Variants in SAMD8 observed in about 807,000 individuals in gnomAD.
SAMD8 encodes sterile alpha motif domain containing 8.
In SAMD8, 20 loss-of-function variants were observed where a neutral mutation model predicts 42.0. That is an observed-to-expected ratio of 0.48 (90% CI 0.34 to 0.69). The LOEUF (loss-of-function observed/expected upper bound fraction) is 0.69, where lower values mean the gene tolerates loss of function less well. Among genes scored for constraint, SAMD8 ranks in the 30% least tolerant of loss-of-function variants. The pLI, the probability that SAMD8 is intolerant of heterozygous loss-of-function variation, is 0.01. For synonymous variants in SAMD8, 162 were observed against 173.0 expected, an observed-to-expected ratio of 0.94 and a Z score of 0.50; for missense variants, 328 against 511.6, an observed-to-expected ratio of 0.64 and a Z score of 3.46.
At chr10:75,132,726 C>T (rs1459906257) in intron 1 of SAMD8, among the ~76,000 whole-genome samples, 2 of 151,830 alleles carry the variant, frequency 1.3e-5, no homozygotes, top group East Asian at 1.9e-4. Flanking sequence ...TGGTGGCTCA[C>T]GGCTGTAATC....
At chr10:75,108,360 C>G, upstream of SAMD8, 1 of 1,368,008 alleles carries the variant, frequency 7.3e-7, no homozygotes, top group Non-Finnish European at 9.6e-7. Context: ...GACTCCACAG[C>G]CCTATACCCA....
In SAMD8 at chr10:75,148,346, C is replaced by CTTTTTTTTTTTTTTTTTT. The variant is rs60024591; in HGVS notation, c.-15-2160_-15-2143dup. 8.0e-4 allele frequency among the ~76,000 whole-genome samples: 66 copies of CTTTTTTTTTTTTTTTTTT among 82,556 alleles called. 5 individuals are homozygous for CTTTTTTTTTTTTTTTTTT. Among genetic ancestry groups the CTTTTTTTTTTTTTTTTTT allele is most frequent in the African/African-American group, 2.6e-3 (40 of 15,310 alleles). The allele number at this position is 82,556 out of a possible 152,430, so 54.2% of individuals were successfully genotyped here. On this transcript the variant is annotated intron_variant, in intron 1 of 5. Coordinates refer to ENST00000542569, the MANE Select transcript of SAMD8 (RefSeq NM_001174156.2). ...GGGAAAGAATGCAGAGCAATACCAG[C>CTTTTTTTTTTTTTTTTTT]TTTTTTTTTTTTTTTTTTTTTTTTT...
Position 75,176,173 on chromosome 10 carries a change from C to T in SAMD8, c.900C>T (p.Gly300=), listed in dbSNP as rs143864495. 161 of 1,614,174 alleles carry T rather than the reference C, an allele frequency of 1.0e-4. No homozygotes were observed. In the African/African-American group the frequency reaches 1.8e-3, roughly 18 times the overall value. ...VHTCGDYMFS[G]HTVVLTMLNF... ...CATGTGGAGATTACATGTTTAGTGG[C>T]CACACAGTCGTCCTAACTATGCTGA... The change falls in exon 5 of 6, where the codon GGC becomes GGT. Residue 300 remains glycine (G), a synonymous_variant. Transcript: ENST00000542569. The surrounding 1 kb of genome is among the most constrained non-coding windows in gnomAD (Gnocchi z 4.3).
intron 1 of SAMD8, among the ~76,000 whole-genome samples, chr10:75,142,165 C>G (rs1403085434): frequency 2.0e-5 from 3 of 151,860 alleles, no homozygotes; most frequent in Non-Finnish European, 4.4e-5. Context: ...CCAGGCTGGT[C>G]TTAAACTCCT....
intron 1 of SAMD8, among the ~76,000 whole-genome samples, chr10:75,103,136 A>AT (rs1426271168): frequency 2.0e-5 from 3 of 152,190 alleles, no homozygotes; most frequent in Non-Finnish European, 4.4e-5. Flanking sequence ...CTTCAAGGGT[A>AT]TTATAGAAGA....
intron 1 of SAMD8, among the ~76,000 whole-genome samples, chr10:75,144,588 T>G (rs1419990415): frequency 6.6e-6 from 1 of 152,218 alleles, no homozygotes; most frequent in African/African-American, 2.4e-5. Flanking sequence ...CCTTCCTTTT[T>G]AAGGCTGAAT....
chr10:75,172,284 G>A (rs1364213219), intron 4 of SAMD8, among the ~76,000 whole-genome samples: 1 of 152,040 alleles, frequency 6.6e-6, no homozygotes, highest in Admixed American at 6.6e-5. Context: ...GGTATGAAGC[G>A]TTTCACCCAA....
At chr10:75,111,391 C>T (rs1327063667), upstream of SAMD8, 1 of 699,834 alleles carries the variant, frequency 1.4e-6, no homozygotes, top group Middle Eastern at 4.8e-4. Context: ...CATCTCGGTT[C>T]TCCTCTCGGG....
intron 2 of SAMD8, among the ~76,000 whole-genome samples, chr10:75,157,067 A>G (rs1224713711): frequency 6.6e-6 from 1 of 152,144 alleles, no homozygotes; most frequent in Non-Finnish European, 1.5e-5. Flanking sequence ...GTATGTGTGT[A>G]TATGTGTGTA....
rs189283337 is a variant in SAMD8 at position 75,156,934 on chromosome 10, T to C, written c.578+5828T>C. On this transcript the variant is annotated intron_variant, in intron 2 of 5. Transcript: ENST00000542569. ...TAATGGTACTAAATCAGTGTTACAA[T>C]GTCCTTGGTGTAATAGTATATTGGG... is the stretch of plus-strand genomic sequence containing the variant. Among the ~76,000 whole-genome samples, 231 of 152,284 alleles carry C rather than the reference T, an allele frequency of 1.5e-3. 1 individual carries two copies. The highest frequency in any genetic ancestry group is 5.4e-3 in the African/African-American group (223 of 41,562).
At chr10:75,128,448 G>A (rs533555552) in intron 1 of SAMD8, among the ~76,000 whole-genome samples, 2 of 152,204 alleles carry the variant, frequency 1.3e-5, no homozygotes, top group Non-Finnish European at 2.9e-5. Context: ...CTTCGCTGAA[G>A]CAGTCCTCCT....
At chr10:75,111,564 C>A (rs992670091), upstream of SAMD8, 5 of 1,248,538 alleles carry the variant, frequency 4.0e-6, no homozygotes, top group Non-Finnish European at 5.0e-6. Context: ...TGCGCGCAGT[C>A]GCCACCGCCC....
At chr10:75,108,126 T>C, upstream of SAMD8, 1 of 1,613,720 alleles carries the variant, frequency 6.2e-7, no homozygotes, top group Middle Eastern at 1.7e-4. Flanking sequence ...AGGGCCGCCC[T>C]GACAGTAGAG....
At chr10:75,136,847 GAAATC>G (rs1319420613) in intron 1 of SAMD8, among the ~76,000 whole-genome samples, 1 of 152,126 alleles carries the variant, frequency 6.6e-6, no homozygotes, top group Non-Finnish European at 1.5e-5. Context: ...AATCATTACT[GAAATC>G]AAATCAAAAT....
At chr10:75,118,157 AG>A (rs1848927001) in intron 1 of SAMD8, among the ~76,000 whole-genome samples, 1 of 152,226 alleles carries the variant, frequency 6.6e-6, no homozygotes, top group Non-Finnish European at 1.5e-5. Context: ...GATGTAACTG[AG>A]GAGGGAATTT....
intron 1 of SAMD8, among the ~76,000 whole-genome samples, chr10:75,134,410 G>A (rs989315645): frequency 5.3e-5 from 8 of 151,670 alleles, no homozygotes; most frequent in African/African-American, 1.7e-4. Flanking sequence ...CGAGGCCGGC[G>A]GATCACCTGA....
chr10:75,127,524 G>A (rs1013825622), intron 1 of SAMD8, among the ~76,000 whole-genome samples: 2 of 152,138 alleles, frequency 1.3e-5, no homozygotes, highest in African/African-American at 4.8e-5. Context: ...AGTCAAACAC[G>A]TAGAACAGTT....
intron 3 of SAMD8, among the ~76,000 whole-genome samples, chr10:75,167,996 CAT>C (rs1340715893): frequency 6.6e-6 from 1 of 151,944 alleles, no homozygotes; most frequent in Non-Finnish European, 1.5e-5. Flanking sequence ...TTCTTTTAGC[CAT>C]ATTTTCTTTT....
rs933166294 is a variant in SAMD8 at position 75,181,827 on chromosome 10, A to G, written c.*5135A>G. ...ATTAGAAAAATGAAGTATTTCTGAC[A>G]TGGAACAAAGAAAGTGGAAACTGGT... is the stretch of plus-strand genomic sequence containing the variant. On this transcript the variant is annotated 3_prime_UTR_variant, in exon 6 of 6. Transcript: ENST00000542569. The G allele has an allele frequency of 2.0e-5, 3 of 152,252 alleles. No individual in the cohort carries two copies. Among genetic ancestry groups the G allele is most frequent in the Admixed American group, 6.5e-5 (1 of 15,294 alleles). The allele number at this position is 152,252 out of a possible 1,614,324, so 9.4% of individuals were successfully genotyped here.
Sources: gnomAD v4.1 joint callset for allele counts (sites outside exome capture counted in the v4.1 genomes callset) on GRCh38, gnomAD v4.1.1 for gene constraint, Gnocchi (gnomAD v3.1) non-coding constraint, MANE v1.5 for transcripts, NCBI Gene and HGNC (gene_info 2026-07-23, HGNC 2026-07-21) for gene names.